Variants in H2BC5 observed in about 807,000 individuals in gnomAD.
H2BC5 encodes the protein histone H2B type 1-D.
Under a neutral mutation model 5.7 loss-of-function variants are expected in H2BC5, and 9 were observed. That is an observed-to-expected ratio of 1.57 (90% CI 0.95 to 2.74). H2BC5 has a LOEUF of 2.74. H2BC5 is among the 30% of genes most tolerant of loss of function. The pLI is 0.00. For synonymous variants in H2BC5, 133 were observed against 70.9 expected (o/e 1.88, Z -4.40); for missense variants, 175 against 168.8 (o/e 1.04, Z -0.20).
At chr6:26,164,327 T>A (rs182315044) in intron 1 of H2BC5, 1 of 245,216 alleles carries the variant, frequency 4.1e-6, no homozygotes, top group African/African-American at 2.3e-5. Context: ...CACACAGATT[T>A]GGGAAAGTGA....
At chr6:26,169,591 T>C (rs1400056061) in intron 1 of H2BC5, among the ~76,000 whole-genome samples, 1 of 152,148 alleles carries the variant, frequency 6.6e-6, no homozygotes, top group Non-Finnish European at 1.5e-5. Context: ...TTACAATTAC[T>C]TTCTAGGAAA....
chr6:26,169,142 A>G (rs2113838989), intron 1 of H2BC5, among the ~76,000 whole-genome samples: 1 of 152,336 alleles, frequency 6.6e-6, no homozygotes, highest in Admixed American at 6.5e-5. Flanking sequence ...TAGTAAAAAA[A>G]TGTTCCAAGT....
At position 26,163,667 on chromosome 6, in the gene H2BC5, A is replaced by T. The variant is rs948638672; in HGVS notation, c.*9+5108A>T. On this transcript the variant is annotated intron_variant, in intron 1 of 1. Transcript: ENST00000289316. ...AACTGATTATCTTCAAAACCAAACA[A>T]CTGTTTTCTCTTAGCAGGAGAAAAA... 2.6e-5 allele frequency: 4 copies of T among 152,774 alleles called. No homozygotes were observed. In the East Asian group the frequency reaches 7.7e-4, roughly 29 times the overall value. 9.5% of individuals were successfully genotyped at this position (152,774 alleles called of 1,614,324 possible).
Position 26,169,794 on chromosome 6 carries a change from A to G in H2BC5, c.*10-1181A>G, listed in dbSNP as rs371693172. On this transcript the variant is annotated intron_variant, in intron 1 of 1. Transcript: ENST00000289316. ...GCCAATATGGTGAAACCCCGTCTCT[A>G]CTAAAAATACAAAAATTAGCCAGGC... Among the ~76,000 whole-genome samples the G allele has an allele frequency of 1.6e-4, 25 of 152,210 alleles. No homozygotes were observed. In the South Asian group the frequency reaches 5.0e-3, roughly 30 times the overall value.
chr6:26,170,323 T>G (rs1158143541), intron 1 of H2BC5, among the ~76,000 whole-genome samples: 1 of 152,216 alleles, frequency 6.6e-6, no homozygotes, highest in Admixed American at 6.5e-5. Context: ...GTTTTGCTGC[T>G]TGTTTCCTAA....
chr6:26,164,169 TG>T, intron 1 of H2BC5: 1 of 451,694 alleles, frequency 2.2e-6, no homozygotes, highest in Non-Finnish European at 4.5e-6. Flanking sequence ...CAACACTCAG[TG>T]GTAGCAGGAG....
chr6:26,159,541 A>G (rs1222596927), downstream of H2BC5, among the ~76,000 whole-genome samples: 1 of 152,112 alleles, frequency 6.6e-6, no homozygotes, highest in African/African-American at 2.4e-5. Context: ...TGATTGCGGG[A>G]GAAAAAGAAT....
downstream of H2BC5, chr6:26,163,541 G>A (rs1764380073): frequency 6.6e-6 from 1 of 152,152 alleles, no homozygotes; most frequent in Non-Finnish European, 1.5e-5. Context: ...TGTAGCTGGA[G>A]GATTCCCTTC....
At chr6:26,158,661 T>G (rs749684187), downstream of H2BC5, 210 of 1,476,926 alleles carry the variant, frequency 1.4e-4, 1 homozygote, top group Non-Finnish European at 1.7e-4. Flanking sequence ...GTTATTGGAC[T>G]TAGCACCACA....
chr6:26,160,862 C>T (rs1350056234), downstream of H2BC5: 1 of 129,662 alleles, frequency 7.7e-6, no homozygotes, highest in African/African-American at 3.0e-5. Context: ...GAATGAGACT[C>T]TGTCTCAAAA....
downstream of H2BC5, among the ~76,000 whole-genome samples, chr6:26,159,801 G>C (rs1019629777): frequency 3.3e-5 from 5 of 152,140 alleles, no homozygotes; most frequent in African/African-American, 1.2e-4. Flanking sequence ...CATGGCAAGC[G>C]TGGTACTTGG....
chr6:26,164,770 G>A (rs1220349393), intron 1 of H2BC5, among the ~76,000 whole-genome samples: 1 of 151,910 alleles, frequency 6.6e-6, no homozygotes, highest in Non-Finnish European at 1.5e-5. Flanking sequence ...CCATTGCCCA[G>A]CACCATCCCA....
rs118128199 is a variant in H2BC5 at position 26,166,048 on chromosome 6, T to C, written c.*10-4927T>C. On this transcript the variant is annotated intron_variant, in intron 1 of 1. Coordinates refer to the H2BC5 transcript ENST00000289316. The stretch of plus-strand genomic sequence containing the variant: ...GTGTCTTGGATACAGGGATAACTCC[T>C]TGTTCACTCTCAGTGGGATCTGGGC... Among the ~76,000 whole-genome samples, 411 of 152,246 alleles carry C rather than the reference T, an allele frequency of 2.7e-3. 2 individuals carry two copies. The highest frequency in any genetic ancestry group is 0.012 in the East Asian group (63 of 5,184).
At chr6:26,166,336 G>A (rs1158603203) in intron 1 of H2BC5, among the ~76,000 whole-genome samples, 1 of 152,138 alleles carries the variant, frequency 6.6e-6, no homozygotes, top group Non-Finnish European at 1.5e-5. Context: ...TATGACAGTG[G>A]AATCTGAGGC....
downstream of H2BC5, among the ~76,000 whole-genome samples, chr6:26,159,361 A>T (rs1004527204): frequency 1.4e-5 from 2 of 141,244 alleles, no homozygotes; most frequent in Admixed American, 1.6e-4. Context: ...GGCAATAGTT[A>T]TCGCAGGACT....
chr6:26,170,688 G>A (rs773180305), intron 1 of H2BC5, among the ~76,000 whole-genome samples: 28 of 152,098 alleles, frequency 1.8e-4, no homozygotes, highest in Admixed American at 6.6e-4. Flanking sequence ...AATCTTTTCA[G>A]GTCAAAAATG....
intron 1 of H2BC5, among the ~76,000 whole-genome samples, chr6:26,170,710 AT>A (rs1310070893): frequency 6.6e-6 from 1 of 152,260 alleles, no homozygotes; most frequent in Non-Finnish European, 1.5e-5. Context: ...AAGGGAGAGA[AT>A]ATGAGCTTTT....
chr6:26,169,514 ATT>A (rs1764485084), intron 1 of H2BC5, among the ~76,000 whole-genome samples: 1 of 152,204 alleles, frequency 6.6e-6, no homozygotes, highest in African/African-American at 2.4e-5. Context: ...GTAATAAAAT[ATT>A]GTTTTAAAAT....
downstream of H2BC5, among the ~76,000 whole-genome samples, chr6:26,159,267 T>G (rs806966): frequency 0.074 from 10,351 of 140,810 alleles, 429 homozygotes; most frequent in African/African-American, 0.24. Flanking sequence ...TTTTTTTTTT[T>G]TTTTTGGCAG....
Sources: allele counts gnomAD v4.1 joint callset (sites outside exome capture counted in the v4.1 genomes callset), GRCh38; gene constraint gnomAD v4.1.1; transcripts MANE v1.5; gene names NCBI Gene and HGNC (gene_info 2026-07-23, HGNC 2026-07-21).